VAV3: variants seen among roughly 807,000 people sequenced by gnomAD.
VAV3 encodes the protein guanine nucleotide exchange factor VAV3.
In VAV3, 94 loss-of-function variants were observed where a neutral mutation model predicts 131.2. That is an observed-to-expected ratio of 0.72 (90% CI 0.61 to 0.85). The LOEUF is 0.85. Among genes scored for constraint, VAV3 ranks in the 40% least tolerant of loss-of-function variants. The pLI is 0.00. For synonymous variants in VAV3, 349 were observed against 342.0 expected (o/e 1.02, Z -0.22); for missense variants, 939 against 1,002.7 (o/e 0.94, Z 0.86).
At chr1:107,649,453 C>T (rs1655994591) in intron 19 of VAV3, among the ~76,000 whole-genome samples, 1 of 152,062 alleles carries the variant, frequency 6.6e-6, no homozygotes, top group African/African-American at 2.4e-5. Flanking sequence ...ACTGAGATCA[C>T]TAGTTTATAA....
At chr1:107,784,284 CATT>C (rs1212747537) in intron 2 of VAV3, among the ~76,000 whole-genome samples, 3 of 151,954 alleles carry the variant, frequency 2.0e-5, no homozygotes, top group Non-Finnish European at 4.4e-5. Flanking sequence ...ATGCTTTTGT[CATT>C]AACAATAAAG....
At chr1:107,916,494 C>A (rs910541192) in intron 1 of VAV3, among the ~76,000 whole-genome samples, 6 of 152,092 alleles carry the variant, frequency 3.9e-5, no homozygotes, top group African/African-American at 1.4e-4. Flanking sequence ...TATTTGAGTT[C>A]CTTCTCTGTG....
chr1:107,815,475 C>T (rs1268677363), intron 2 of VAV3, among the ~76,000 whole-genome samples: 4 of 152,166 alleles, frequency 2.6e-5, no homozygotes, highest in African/African-American at 7.2e-5. Context: ...TGTGATTTTA[C>T]GCACTGTTCC....
intron 17 of VAV3, among the ~76,000 whole-genome samples, chr1:107,694,414 A>G (rs1465928604): frequency 6.6e-6 from 1 of 152,152 alleles, no homozygotes; most frequent in African/African-American, 2.4e-5. Context: ...GTCATCAAGC[A>G]TTCTGTGAAT....
intron 1 of VAV3, among the ~76,000 whole-genome samples, chr1:107,943,198 A>G (rs1388621466): frequency 2.0e-5 from 3 of 152,006 alleles, no homozygotes. Context: ...TTTTTAGTTC[A>G]TATGTAATAA....
At chr1:107,952,597 C>A (rs1194899363) in intron 1 of VAV3, among the ~76,000 whole-genome samples, 3 of 150,902 alleles carry the variant, frequency 2.0e-5, no homozygotes, top group Non-Finnish European at 2.9e-5. Context: ...TACACATGAG[C>A]AAAATTAACT....
At chr1:107,593,644 T>C (rs17477334) in intron 25 of VAV3, among the ~76,000 whole-genome samples, 4 of 152,140 alleles carry the variant, frequency 2.6e-5, no homozygotes, top group South Asian at 2.1e-4. Context: ...AATCTTTCTA[T>C]ACAAACATGC....
At chr1:107,780,129 C>A (rs1263728688) in intron 2 of VAV3, among the ~76,000 whole-genome samples, 1 of 152,130 alleles carries the variant, frequency 6.6e-6, no homozygotes, top group African/African-American at 2.4e-5. Context: ...TACTTTTGGG[C>A]AAAATACTTA....
chr1:107,846,776 T>A (rs2100940122), intron 2 of VAV3, among the ~76,000 whole-genome samples: 1 of 152,184 alleles, frequency 6.6e-6, no homozygotes, highest in South Asian at 2.1e-4. Flanking sequence ...ATAAAGCAAG[T>A]CCTTAGAGAC....
intron 2 of VAV3, among the ~76,000 whole-genome samples, chr1:107,871,268 CT>C (rs1170169189): frequency 6.6e-6 from 1 of 151,986 alleles, no homozygotes; most frequent in Non-Finnish European, 1.5e-5. Context: ...AGAGATTCAT[CT>C]TTTTTCAAAA....
chr1:107,865,972 G>A (rs1461691623), intron 2 of VAV3, among the ~76,000 whole-genome samples: 1 of 152,088 alleles, frequency 6.6e-6, no homozygotes, highest in Non-Finnish European at 1.5e-5. Flanking sequence ...CAGAAAAAGG[G>A]AAAAAGTCTC....
intron 2 of VAV3, among the ~76,000 whole-genome samples, chr1:107,794,124 T>A (rs535536567): frequency 2.0e-5 from 3 of 152,358 alleles, no homozygotes; most frequent in Non-Finnish European, 4.4e-5. Context: ...GGTTGAAAAC[T>A]GACCCAGAAC....
At chr1:107,686,385 G>A (rs1334304491) in intron 18 of VAV3, among the ~76,000 whole-genome samples, 4 of 152,020 alleles carry the variant, frequency 2.6e-5, no homozygotes, top group African/African-American at 9.7e-5. Context: ...GGTACATGGA[G>A]AGAAAGAAGG....
chr1:107,765,238 A>G, intron 8 of VAV3, 63 bp from the exon 9 acceptor site: 1 of 1,271,468 alleles, frequency 7.9e-7, no homozygotes, highest in Non-Finnish European at 1.1e-6. Context: ...GGAGGGGGAA[A>G]CAAGCAGAAT....
At chr1:107,918,703 ATATTT>A (rs1203383054) in intron 1 of VAV3, among the ~76,000 whole-genome samples, 110 of 119,876 alleles carry the variant, frequency 9.2e-4, no homozygotes, top group African/African-American at 2.9e-3. Context: ...ATATATATAT[ATATTT>A]TTTTTTTTTT....
intron 15 of VAV3, among the ~76,000 whole-genome samples, chr1:107,739,856 C>T (rs1662901931): frequency 6.6e-6 from 1 of 152,206 alleles, no homozygotes; most frequent in African/African-American, 2.4e-5. Context: ...CTTGATACCA[C>T]CACAGGCTTC....
At chr1:107,910,903 C>T (rs1340091013) in intron 1 of VAV3, among the ~76,000 whole-genome samples, 2 of 151,940 alleles carry the variant, frequency 1.3e-5, no homozygotes, top group African/African-American at 2.4e-5. Flanking sequence ...CCGCTTAAAC[C>T]TAGGAGGCGG....
chr1:107,706,432 A>T (rs935709332), intron 15 of VAV3, among the ~76,000 whole-genome samples: 1 of 152,164 alleles, frequency 6.6e-6, no homozygotes, highest in East Asian at 1.9e-4. Context: ...CTAAAAATGA[A>T]ATCAAATATT....
chr1:107,732,276 C>G (rs1158653492), intron 15 of VAV3, among the ~76,000 whole-genome samples: 1 of 152,216 alleles, frequency 6.6e-6, no homozygotes, highest in Non-Finnish European at 1.5e-5. Context: ...CAGCTCCGGT[C>G]TGCAGCTCCC....
Sources: gnomAD v4.1 joint callset for allele counts (sites outside exome capture counted in the v4.1 genomes callset) on GRCh38, gnomAD v4.1.1 for gene constraint, MANE v1.5 for transcripts, NCBI Gene and HGNC (gene_info 2026-07-23, HGNC 2026-07-21) for gene names.